The following EXOC4 variants were observed in gnomAD, a reference collection of about 807,000 sequenced individuals.
The protein encoded by EXOC4 is exocyst complex component 4.
A neutral mutation model predicts 107.2 loss-of-function variants in EXOC4; 71 were observed. That is an observed-to-expected ratio of 0.66 (90% confidence interval 0.55 to 0.81). EXOC4 has a LOEUF of 0.81. Among genes scored for constraint, EXOC4 ranks in the 30% least tolerant of loss-of-function variants. The pLI, the probability that EXOC4 is intolerant of heterozygous loss-of-function variation, is 0.00. For missense variants in EXOC4, 1,108 were observed against 1,189.6 expected (o/e 0.93, Z 1.01); for synonymous variants, 456 against 441.2 (o/e 1.03, Z -0.42).
At chr7:133,703,536 C>T (rs1794708804) in intron 10 of EXOC4, among the ~76,000 whole-genome samples, 1 of 152,174 alleles carries the variant, frequency 6.6e-6, no homozygotes, top group African/African-American at 2.4e-5. Context: ...GCACAAGTCA[C>T]TGGTACAAAA....
intron 7 of EXOC4, 55 bp downstream of exon 7, chr7:133,375,057 A>G (rs1796458959): frequency 7.0e-7 from 1 of 1,434,744 alleles, no homozygotes; most frequent in Non-Finnish European, 9.6e-7. Flanking sequence ...GTTTAGAATA[A>G]CAACAACAAC....
intron 9 of EXOC4, among the ~76,000 whole-genome samples, chr7:133,607,204 A>T (rs1218400957): frequency 6.6e-6 from 1 of 152,178 alleles, no homozygotes; most frequent in Non-Finnish European, 1.5e-5. Context: ...CCTGATTTTT[A>T]AAAAATGCAT....
intron 11 of EXOC4, among the ~76,000 whole-genome samples, chr7:133,827,686 G>A (rs1325492956): frequency 2.0e-5 from 3 of 152,120 alleles, no homozygotes; most frequent in Non-Finnish European, 4.4e-5. Flanking sequence ...CTCTCATAAT[G>A]TATTTGGAAC....
chr7:134,024,574 G>T (rs1373293730), intron 17 of EXOC4, among the ~76,000 whole-genome samples: 1 of 152,168 alleles, frequency 6.6e-6, no homozygotes, highest in Non-Finnish European at 1.5e-5. Flanking sequence ...AGAAAAAGTA[G>T]TGATATATTA....
chr7:133,302,736 G>GTT (rs201923968), intron 3 of EXOC4, among the ~76,000 whole-genome samples: 1 of 151,092 alleles, frequency 6.6e-6, no homozygotes, highest in African/African-American at 2.4e-5. Flanking sequence ...TTATGAACCT[G>GTT]TTTTTTTTTA....
chr7:133,873,588 T>TA (rs564710325), intron 11 of EXOC4, among the ~76,000 whole-genome samples: 119 of 152,328 alleles, frequency 7.8e-4, no homozygotes, highest in African/African-American at 2.7e-3. Flanking sequence ...TTTTTGGTGT[T>TA]AAAACGTCGC....
intron 13 of EXOC4, among the ~76,000 whole-genome samples, chr7:133,928,247 G>T (rs1459632641): frequency 6.6e-6 from 1 of 152,138 alleles, no homozygotes; most frequent in Non-Finnish European, 1.5e-5. Context: ...GGCTGGCAGT[G>T]GTCACCTGTG....
At chr7:133,518,964 A>C (rs1310548563) in intron 9 of EXOC4, among the ~76,000 whole-genome samples, 1 of 152,218 alleles carries the variant, frequency 6.6e-6, no homozygotes, top group African/African-American at 2.4e-5. Flanking sequence ...CTGTATACTT[A>C]AAAATAGTAA....
chr7:133,710,436 G>A (rs1017694094), intron 10 of EXOC4, among the ~76,000 whole-genome samples: 24 of 151,930 alleles, frequency 1.6e-4, no homozygotes, highest in Non-Finnish European at 2.2e-4. Flanking sequence ...CGAGGCGGGC[G>A]GATCACGAGG....
chr7:133,328,060 T>C (rs553200946), intron 5 of EXOC4, among the ~76,000 whole-genome samples: 3 of 152,290 alleles, frequency 2.0e-5, no homozygotes, highest in African/African-American at 4.8e-5. Flanking sequence ...CCAACTATTA[T>C]TGTGTGGGAG....
chr7:133,690,427 A>G (rs971002422), intron 10 of EXOC4, among the ~76,000 whole-genome samples: 1 of 152,136 alleles, frequency 6.6e-6, no homozygotes, highest in Admixed American at 6.5e-5. Flanking sequence ...CCACCATGCC[A>G]TCTCCCTGTT....
At chr7:133,448,278 T>A (rs1033702307) in intron 7 of EXOC4, among the ~76,000 whole-genome samples, 2 of 152,054 alleles carry the variant, frequency 1.3e-5, no homozygotes, top group African/African-American at 4.8e-5. Flanking sequence ...TGCTTTGAAT[T>A]CTAATTTTTA....
chr7:133,681,082 C>T (rs1291272875), intron 10 of EXOC4, among the ~76,000 whole-genome samples: 1 of 152,138 alleles, frequency 6.6e-6, no homozygotes, highest in African/African-American at 2.4e-5. Context: ...CCTGCTTATG[C>T]CTGTGTGTTT....
At chr7:134,067,162 A>G (rs1469303668), downstream of EXOC4, among the ~76,000 whole-genome samples, 1 of 148,950 alleles carries the variant, frequency 6.7e-6, no homozygotes. Context: ...AAAAAAAAAA[A>G]AAAAAAAAAA....
intron 11 of EXOC4, among the ~76,000 whole-genome samples, chr7:133,821,642 G>A (rs1481053078): frequency 6.6e-6 from 1 of 152,028 alleles, no homozygotes; most frequent in East Asian, 1.9e-4. Context: ...GATAAAAACT[G>A]GGCTCTCCAT....
intron 10 of EXOC4, among the ~76,000 whole-genome samples, chr7:133,773,547 C>A (rs1253314043): frequency 6.6e-6 from 1 of 151,622 alleles, no homozygotes. Context: ...TTTAGAGTGC[C>A]TGGCTCTATC....
chr7:133,517,205 G>A (rs1435165175), intron 9 of EXOC4, among the ~76,000 whole-genome samples: 1 of 152,072 alleles, frequency 6.6e-6, no homozygotes, highest in Non-Finnish European at 1.5e-5. Context: ...AATAGAAAGT[G>A]TAGGGTTGGG....
intron 11 of EXOC4, among the ~76,000 whole-genome samples, chr7:133,847,681 G>A (rs1375000268): frequency 2.0e-5 from 3 of 150,850 alleles, no homozygotes; most frequent in East Asian, 2.0e-4. Context: ...CACTGTGCCC[G>A]GCCCGGTTAG....
At chr7:133,468,704 G>T (rs745762786) in intron 7 of EXOC4, among the ~76,000 whole-genome samples, 4 of 152,182 alleles carry the variant, frequency 2.6e-5, no homozygotes, top group Non-Finnish European at 5.9e-5. Flanking sequence ...CTGGGAGAAA[G>T]CCAGAGGAAT....
Sources: allele counts gnomAD v4.1 joint callset (sites outside exome capture counted in the v4.1 genomes callset), GRCh38; gene constraint gnomAD v4.1.1; transcripts MANE v1.5; gene names NCBI Gene and HGNC (gene_info 2026-07-23, HGNC 2026-07-21).